GAS7: variants seen among roughly 807,000 people sequenced by gnomAD.
GAS7 encodes growth arrest specific 7.
In GAS7, 28 loss-of-function variants were observed where a neutral mutation model predicts 71.1. The ratio of observed to expected loss-of-function variants is 0.39; its 90% confidence interval spans 0.29 to 0.54. GAS7 has a LOEUF of 0.54. GAS7 is among the 20% of genes least tolerant of loss of function. GAS7 has a pLI of 0.62. For missense variants in GAS7, 436 were observed against 627.8 expected, an observed-to-expected ratio of 0.69 and a Z score of 3.27; for synonymous variants, 258 against 245.8, an observed-to-expected ratio of 1.05 and a Z score of -0.46.
intron 3 of GAS7, among the ~76,000 whole-genome samples, chr17:9,978,158 G>A (rs1367598130): frequency 1.3e-5 from 2 of 152,000 alleles, no homozygotes; most frequent in Non-Finnish European, 2.9e-5. Flanking sequence ...AGGCTGCAGT[G>A]AGCCATGATC....
At chr17:9,987,917 C>T (rs996339850) in intron 2 of GAS7, among the ~76,000 whole-genome samples, 1 of 152,232 alleles carries the variant, frequency 6.6e-6, no homozygotes, top group African/African-American at 2.4e-5. Flanking sequence ...TGGCCATGGG[C>T]CCACCTACAA....
rs1265666257 is a variant in GAS7, at chr17:9,910,625, T to C, written c.*6603A>G. On this transcript the variant is annotated 3_prime_UTR_variant, in exon 14 of 14. Transcript: ENST00000432992. Reference sequence around the variant, plus strand: ...ATGGGATTTAACTTCCTGAAAACTCTTTATAATAATGCAGGACAACTGTAT... The same window carrying C: ...ATGGGATTTAACTTCCTGAAAACTCCTTATAATAATGCAGGACAACTGTAT... 5.2e-6 allele frequency: 1 copy of C among 192,166 alleles called. No individual in the cohort carries two copies. 11.9% of individuals were successfully genotyped at this position (192,166 alleles called of 1,614,324 possible).
In GAS7 at chr17:9,927,935, A is replaced by G. The variant is rs1036144181; in HGVS notation, c.886-1166T>C. On this transcript the variant is annotated intron_variant, in intron 9 of 13. Transcript: ENST00000432992. ...GCACAGGCAAAGGGAACCGCCCTGT[A>G]TCCCAGGGGCCAGAGAAAAGGGTTT... is the stretch of plus-strand genomic sequence containing the variant. Among the ~76,000 whole-genome samples the G allele has an allele frequency of 1.3e-4, 20 of 152,272 alleles. 1 individual carries two copies. The highest frequency in any genetic ancestry group is 9.8e-4 in the Admixed American group (15 of 15,292).
At position 10,034,315 on chromosome 17, in the gene GAS7, C is replaced by A. The variant is rs947440069; in HGVS notation, c.184-14418G>T. On this transcript the variant is annotated intron_variant, in intron 1 of 13. Coordinates refer to ENST00000432992, the MANE Select transcript of GAS7 (RefSeq NM_201433.2). This position sits in a 1 kb window ranked among gnomAD's most constrained non-coding sequence, Gnocchi z 4.4. ...ATATATAGCCTAATACTTAATAATT[C>A]TTTTTTTTTTTTTTAGACAGTCTTG... 2 of 489,070 alleles carry A rather than the reference C, an allele frequency of 4.1e-6. No individual in the cohort carries two copies. Among genetic ancestry groups the A allele is most frequent in the African/African-American group, 2.2e-5 (1 of 45,586 alleles). The allele number at this position is 489,070 out of a possible 1,614,324, so 30.3% of individuals were successfully genotyped here. A position where few individuals can be genotyped will look rare whatever the true frequency, so the allele number is the denominator to read the frequency against.
intron 2 of GAS7, among the ~76,000 whole-genome samples, chr17:9,986,756 C>T (rs2070665112): frequency 6.6e-6 from 1 of 152,210 alleles, no homozygotes. Flanking sequence ...CTCTAACCTC[C>T]AAATGGGCCC....
rs118152405 is a variant in GAS7 at position 10,103,532 on chromosome 17, T to C, written c.184-83635A>G. On this transcript the variant is annotated intron_variant, in intron 1 of 13. Transcript: ENST00000432992. The surrounding 1 kb of genome is among the most constrained non-coding windows in gnomAD (Gnocchi z 5.5). Reference sequence around the variant, plus strand: ...TTCTCTCACACTTCACTTAGAAAGATAGGAACAACCCGGCCAGGCGCGATG... The same window carrying C: ...TTCTCTCACACTTCACTTAGAAAGACAGGAACAACCCGGCCAGGCGCGATG... 1.4e-4 allele frequency among the ~76,000 whole-genome samples: 22 copies of C among 151,982 alleles called. No individual in the cohort carries two copies. In the East Asian group the frequency reaches 3.7e-3, roughly 26 times the overall value.
At chr17:10,078,085 T>TGTG (rs1219563114) in intron 1 of GAS7, among the ~76,000 whole-genome samples, 1 of 143,412 alleles carries the variant, frequency 7.0e-6, no homozygotes, top group South Asian at 2.2e-4. Context: ...GTGTGTTTTG[T>TGTG]TTTGTTTTGT....
At chr17:10,195,309 T>C (rs1479598909) in intron 1 of GAS7, among the ~76,000 whole-genome samples, 1 of 152,206 alleles carries the variant, frequency 6.6e-6, no homozygotes, top group East Asian at 1.9e-4. Flanking sequence ...CCCCCGTGTA[T>C]GCTTCCTGCA....
At chr17:10,148,680 G>C (rs1414338932) in intron 1 of GAS7, among the ~76,000 whole-genome samples, 2 of 151,422 alleles carry the variant, frequency 1.3e-5, no homozygotes, top group Non-Finnish European at 2.9e-5. Context: ...GGGAGGCTGA[G>C]GTGGGCGGAT....
At chr17:10,035,438 AG>A (rs1367760401) in intron 1 of GAS7, among the ~76,000 whole-genome samples, 1 of 152,228 alleles carries the variant, frequency 6.6e-6, no homozygotes, top group Non-Finnish European at 1.5e-5. Context: ...ACCTTTGAGA[AG>A]CACTGCTGTG....
At chr17:9,987,560 T>C (rs2070692228) in intron 2 of GAS7, among the ~76,000 whole-genome samples, 1 of 152,154 alleles carries the variant, frequency 6.6e-6, no homozygotes, top group Admixed American at 6.5e-5. Flanking sequence ...GCTGATGCAA[T>C]AGGATCCAGG....
intron 1 of GAS7, among the ~76,000 whole-genome samples, chr17:10,029,035 G>A (rs1040891669): frequency 1.3e-5 from 2 of 152,184 alleles, no homozygotes; most frequent in Non-Finnish European, 2.9e-5. Flanking sequence ...GACGTCCTAC[G>A]CTGTTCAAGG....
chr17:10,018,477 T>C (rs1463310867), intron 2 of GAS7, among the ~76,000 whole-genome samples: 1 of 152,212 alleles, frequency 6.6e-6, no homozygotes, highest in Non-Finnish European at 1.5e-5. Flanking sequence ...GTTGCATACA[T>C]AGACACACTC....
At chr17:10,072,177 G>T (rs1416949773) in intron 1 of GAS7, among the ~76,000 whole-genome samples, 1 of 152,082 alleles carries the variant, frequency 6.6e-6, no homozygotes, top group Non-Finnish European at 1.5e-5. Context: ...GAGGTAGGGG[G>T]CTGATCTGAA....
chr17:9,958,618 G>A (rs1050521765), intron 5 of GAS7, among the ~76,000 whole-genome samples: 5 of 151,678 alleles, frequency 3.3e-5, no homozygotes, highest in African/African-American at 1.2e-4. Context: ...AGGAGCAGAG[G>A]TGGAGTGTGG....
intron 1 of GAS7, among the ~76,000 whole-genome samples, chr17:10,092,874 CCT>C (rs1188404566): frequency 6.6e-6 from 1 of 151,990 alleles, no homozygotes; most frequent in Non-Finnish European, 1.5e-5. Context: ...GCAAAATCTC[CCT>C]CTCTCTCTCA....
chr17:10,089,392 G>A (rs1027575498), intron 1 of GAS7, among the ~76,000 whole-genome samples: 8 of 152,132 alleles, frequency 5.3e-5, no homozygotes, highest in African/African-American at 1.7e-4. Flanking sequence ...AAGGAGAAGT[G>A]TGCTTGGCTA....
chr17:10,001,050 C>T (rs1421224073), intron 2 of GAS7, among the ~76,000 whole-genome samples: 1 of 152,196 alleles, frequency 6.6e-6, no homozygotes, highest in African/African-American at 2.4e-5. Flanking sequence ...CCTTTTCAGG[C>T]TCAGGTTCAC....
chr17:10,051,653 A>G (rs2073064239), intron 1 of GAS7, among the ~76,000 whole-genome samples: 2 of 152,188 alleles, frequency 1.3e-5, no homozygotes, highest in Admixed American at 1.3e-4. Flanking sequence ...TGAAAACAAG[A>G]CCCAGAAACA....
Sources: allele counts gnomAD v4.1 joint callset (sites outside exome capture counted in the v4.1 genomes callset), GRCh38; gene constraint gnomAD v4.1.1; non-coding constraint Gnocchi (gnomAD v3.1); transcripts MANE v1.5; gene names NCBI Gene and HGNC (gene_info 2026-07-23, HGNC 2026-07-21).